The following PDE1A variants were observed in gnomAD, a reference collection of about 807,000 sequenced individuals.
PDE1A encodes the protein phosphodiesterase 1A.
Under a neutral mutation model 61.7 loss-of-function variants are expected in PDE1A, and 35 were observed. The observed-to-expected ratio is 0.57, with a 90% CI of 0.43 to 0.75. PDE1A has a LOEUF of 0.75. Among genes scored for constraint, PDE1A ranks in the 30% least tolerant of loss-of-function variants. The pLI is 0.00. For synonymous variants in PDE1A, 232 were observed against 213.2 expected (o/e 1.09, Z -0.77); for missense variants, 597 against 630.6 (o/e 0.95, Z 0.57).
the PDE1A span, among the ~76,000 whole-genome samples, chr2:182,622,734 T>C: frequency 3.9e-5 from 6 of 152,048 alleles, no homozygotes; most frequent in African/African-American, 1.2e-4. Flanking sequence ...CTAGATTTGA[T>C]AGTAGCCAAG....
At chr2:182,538,989 A>G in the PDE1A span, among the ~76,000 whole-genome samples, 2 of 152,142 alleles carry the variant, frequency 1.3e-5, no homozygotes, top group South Asian at 4.1e-4. Context: ...CATCCACACT[A>G]TCTTTAAAGG....
the PDE1A span, among the ~76,000 whole-genome samples, chr2:182,662,352 C>CAAAAAAAAAAA: frequency 8.7e-6 from 1 of 115,526 alleles, no homozygotes; most frequent in African/African-American, 3.1e-5. Context: ...AAAAAAAAAA[C>CAAAAAAAAAAA]AAAAAAAAAC....
At chr2:182,531,716 T>C in the PDE1A span, among the ~76,000 whole-genome samples, 2 of 152,226 alleles carry the variant, frequency 1.3e-5, no homozygotes, top group African/African-American at 4.8e-5. Context: ...GGTTTTTTAA[T>C]ATACTTTAAG....
intron 1 of PDE1A, among the ~76,000 whole-genome samples, chr2:182,323,075 T>C (rs1361896047): frequency 6.6e-6 from 1 of 152,164 alleles, no homozygotes; most frequent in Admixed American, 6.5e-5. Context: ...TGCTGACTTA[T>C]TACAAAATAA....
chr2:182,271,490 G>C (rs1693022146), intron 1 of PDE1A, among the ~76,000 whole-genome samples: 1 of 151,970 alleles, frequency 6.6e-6, no homozygotes, highest in Non-Finnish European at 1.5e-5. Flanking sequence ...TACTTCAAGA[G>C]GTATTAACTT....
chr2:182,405,086 GATGGCTACC>G (rs2125477511), intron 1 of PDE1A, among the ~76,000 whole-genome samples: 1 of 152,244 alleles, frequency 6.6e-6, no homozygotes, highest in Non-Finnish European at 1.5e-5. Context: ...TATCACATAT[GATGGCTACC>G]ATGTCACTAA....
At position 182,213,117 on chromosome 2, in the gene PDE1A, C is replaced by T. The variant is rs539471017; in HGVS notation, c.777-7052G>A. 3.1e-3 allele frequency among the ~76,000 whole-genome samples: 472 copies of T among 150,772 alleles called. 2 individuals carry two copies. Among genetic ancestry groups the T allele is most frequent in the African/African-American group, 0.011 (460 of 40,910 alleles). On this transcript the variant is annotated intron_variant, in intron 7 of 13. Transcript: ENST00000351439. ...CAAGTGGGTCCCTGACCCCTGACCC[C>T]CGAGCAGCCTAACTGGGAGGCACCC...
At chr2:182,706,092 T>A in the PDE1A span, among the ~76,000 whole-genome samples, 1 of 152,188 alleles carries the variant, frequency 6.6e-6, no homozygotes, top group Non-Finnish European at 1.5e-5. Flanking sequence ...ATGTTGACTA[T>A]CAGGTATAAC....
chr2:182,679,350 ATTTTTTTTTTTT>A, the PDE1A span, among the ~76,000 whole-genome samples: 1 of 119,450 alleles, frequency 8.4e-6, no homozygotes, highest in Non-Finnish European at 1.7e-5. Context: ...TGCTCAGCTA[ATTTTTTTTTTTT>A]TTTTTTTTTT....
chr2:182,483,785 A>G (rs773280539), intron 2 of PDE1A, among the ~76,000 whole-genome samples: 4 of 151,974 alleles, frequency 2.6e-5, no homozygotes, highest in Non-Finnish European at 4.4e-5. Flanking sequence ...CCAGAAATCA[A>G]TTACATAGAT....
intron 2 of PDE1A, among the ~76,000 whole-genome samples, chr2:182,457,092 CT>C (rs1685975385): frequency 1.3e-5 from 2 of 152,024 alleles, no homozygotes; most frequent in Admixed American, 1.3e-4. Flanking sequence ...TACACGTTCC[CT>C]TTCTTGTTAG....
At chr2:182,504,893 T>C (rs1278352454) in intron 2 of PDE1A, among the ~76,000 whole-genome samples, 1 of 152,230 alleles carries the variant, frequency 6.6e-6, no homozygotes, top group African/African-American at 2.4e-5. Flanking sequence ...TTCAATTACA[T>C]TGGAAAACTT....
the PDE1A span, among the ~76,000 whole-genome samples, chr2:182,673,850 C>A: frequency 4.5e-4 from 68 of 151,658 alleles, no homozygotes; most frequent in African/African-American, 1.6e-3. Flanking sequence ...CAAATCAGCT[C>A]CTCTGTATTT....
At chr2:182,661,975 C>T in the PDE1A span, among the ~76,000 whole-genome samples, 3 of 151,796 alleles carry the variant, frequency 2.0e-5, no homozygotes, top group Non-Finnish European at 4.4e-5. Flanking sequence ...GAAAATTTTA[C>T]TAATTCGACC....
At chr2:182,580,238 G>C in the PDE1A span, among the ~76,000 whole-genome samples, 9 of 152,160 alleles carry the variant, frequency 5.9e-5, no homozygotes, top group Non-Finnish European at 1.3e-4. Flanking sequence ...TAGTTTGCTG[G>C]GAGTACCATA....
chr2:182,333,394 T>G (rs779611450), intron 1 of PDE1A, among the ~76,000 whole-genome samples: 3 of 152,124 alleles, frequency 2.0e-5, no homozygotes, highest in Non-Finnish European at 4.4e-5. Flanking sequence ...CAGACCACAG[T>G]GCAATCAAAT....
chr2:182,252,838 C>T (rs13393694), intron 2 of PDE1A, among the ~76,000 whole-genome samples: 3 of 152,130 alleles, frequency 2.0e-5, no homozygotes, highest in African/African-American at 7.2e-5. Flanking sequence ...ATAATGGTGA[C>T]TCCAGCTAGA....
chr2:182,593,871 T>C, the PDE1A span, among the ~76,000 whole-genome samples: 1 of 152,204 alleles, frequency 6.6e-6, no homozygotes, highest in Non-Finnish European at 1.5e-5. Flanking sequence ...ACTAATAGCA[T>C]CTGCATATTT....
the PDE1A span, among the ~76,000 whole-genome samples, chr2:182,643,040 C>A: frequency 6.6e-6 from 1 of 152,146 alleles, no homozygotes; most frequent in Admixed American, 6.5e-5. Context: ...TCAGCCACAT[C>A]CTCCTCTTAA....
Sources: allele counts gnomAD v4.1 joint callset (sites outside exome capture counted in the v4.1 genomes callset), GRCh38; gene constraint gnomAD v4.1.1; transcripts MANE v1.5; gene names NCBI Gene and HGNC (gene_info 2026-07-23, HGNC 2026-07-21).